LCOR: variants seen among roughly 807,000 people sequenced by gnomAD.
The protein encoded by LCOR is ligand dependent nuclear receptor corepressor.
In LCOR, 14 loss-of-function variants were observed where a neutral mutation model predicts 64.4. That is an observed-to-expected ratio of 0.22 (90% CI 0.14 to 0.34). The LOEUF (loss-of-function observed/expected upper bound fraction) is 0.34. Among genes scored for constraint, LCOR ranks in the 10% least tolerant of loss-of-function variants. The pLI is 1.00. For missense variants in LCOR, 1,686 were observed against 1,765.3 expected (o/e 0.96, Z 0.80); for synonymous variants, 643 against 642.5 (o/e 1.00, Z -0.01).
chr10:96,898,023 T>C (rs1846571428), intron 2 of LCOR, among the ~76,000 whole-genome samples: 1 of 152,008 alleles, frequency 6.6e-6, no homozygotes, highest in Non-Finnish European at 1.5e-5. Context: ...TTAAAAAGAG[T>C]GTGTTTGCAT....
intron 2 of LCOR, among the ~76,000 whole-genome samples, chr10:96,882,945 C>T (rs993281586): frequency 3.3e-5 from 5 of 152,082 alleles, no homozygotes; most frequent in Non-Finnish European, 5.9e-5. Flanking sequence ...CTAGATGTAT[C>T]GTTTATCCAT....
intron 4 of LCOR, among the ~76,000 whole-genome samples, chr10:96,920,652 G>A (rs12777911): frequency 2.2e-5 from 3 of 134,464 alleles, no homozygotes; most frequent in African/African-American, 6.3e-5. Context: ...GTGTATATAT[G>A]TGTATATATG....
intron 6 of LCOR, 121 bp from the exon 7 acceptor site, chr10:96,951,982 A>G (rs1847688353): frequency 6.4e-6 from 4 of 629,764 alleles, no homozygotes; most frequent in Admixed American, 3.1e-5. Context: ...ACTCAAATAT[A>G]TGACTAGCAT....
intron 7 of LCOR, among the ~76,000 whole-genome samples, chr10:96,973,958 C>T (rs769203224): frequency 6.6e-6 from 1 of 152,178 alleles, no homozygotes; most frequent in Non-Finnish European, 1.5e-5. Context: ...TCTAAGATAA[C>T]ATAAGCATTG....
intron 2 of LCOR, among the ~76,000 whole-genome samples, chr10:96,873,554 C>T (rs1486430507): frequency 1.5e-5 from 2 of 133,186 alleles, no homozygotes; most frequent in South Asian, 3.0e-4. Context: ...TTTTGTTTTT[C>T]GATACACACA....
intron 4 of LCOR, among the ~76,000 whole-genome samples, chr10:96,926,770 A>G (rs1847175971): frequency 1.3e-5 from 2 of 152,200 alleles, no homozygotes; most frequent in Non-Finnish European, 2.9e-5. Context: ...AGAATTTTAT[A>G]TAATAGGAAT....
chr10:96,833,214 C>T (rs1845377540), intron 1 of LCOR, 192 bp from the exon 2 acceptor site: 1 of 980,916 alleles, frequency 1.0e-6, no homozygotes, highest in South Asian at 4.7e-5. Context: ...CTCGTCCCCT[C>T]CCGGGGATTG....
At position 96,935,771 on chromosome 10, in the gene LCOR, C is replaced by T. The variant is rs143379513; in HGVS notation, c.-183-8342C>T. On this transcript the variant is annotated intron_variant, in intron 4 of 7. Transcript: ENST00000421806. ...ATGGCCTTAGCCCAGGAAGGCAAGG[C>T]TTGCAGTGAGCTGTGATTGTGCCAC... Among the ~76,000 whole-genome samples the T allele has an allele frequency of 5.6e-4, 86 of 152,332 alleles. 1 individual carries two copies. The East Asian group carries it at 0.016, about 29-fold the overall frequency.
At chr10:96,963,989 ATAATT>A (rs1246119850) in intron 7 of LCOR, 1 of 152,214 alleles carries the variant, frequency 6.6e-6, no homozygotes, top group Admixed American at 6.5e-5. Context: ...ATGGAATTGT[ATAATT>A]TAATATTTCT....
chr10:96,965,543 T>TC (rs1374965567), intron 7 of LCOR, among the ~76,000 whole-genome samples: 1 of 149,412 alleles, frequency 6.7e-6, no homozygotes, highest in African/African-American at 2.5e-5. Flanking sequence ...GCGCCTGTAG[T>TC]CCCAGCTACT....
intron 2 of LCOR, among the ~76,000 whole-genome samples, chr10:96,870,835 A>T (rs907978472): frequency 6.6e-6 from 1 of 152,206 alleles, no homozygotes; most frequent in Non-Finnish European, 1.5e-5. Context: ...AAATTGAGCT[A>T]GAGATGTACA....
Position 96,832,406 on chromosome 10 carries a change from C to T in LCOR, c.-404+7C>T, listed in dbSNP as rs1453849019. ...AAGCTCATTCACTGTGTAGGTGAGA[C>T]CCTCCGCCGACCGCCGCCGCCCCTC... On this transcript the variant is annotated splice_region_variant and intron_variant, in intron 1 of 7. Coordinates refer to ENST00000421806, the MANE Select transcript of LCOR (RefSeq NM_001346516.2). 1.2e-5 allele frequency: 12 copies of T among 979,090 alleles called. No individual in the cohort carries two copies. The highest frequency in any genetic ancestry group is 1.5e-5 in the Non-Finnish European group (12 of 824,020). 60.7% of individuals were successfully genotyped at this position (979,090 alleles called of 1,614,324 possible).
intron 4 of LCOR, among the ~76,000 whole-genome samples, chr10:96,925,416 G>T (rs1456040968): frequency 6.6e-6 from 1 of 151,958 alleles, no homozygotes; most frequent in East Asian, 1.9e-4. Flanking sequence ...TTAATAGGAT[G>T]GAACATTTAT....
chr10:96,907,686 T>A lies in LCOR; in HGVS notation c.-245T>A. 6.1e-6 allele frequency: 6 copies of A among 983,698 alleles called. No individual in the cohort carries two copies. The highest frequency in any genetic ancestry group is 7.2e-6 in the Non-Finnish European group (6 of 828,008). The allele number at this position is 983,698 out of a possible 1,614,324, so 60.9% of individuals were successfully genotyped here. A position where few individuals can be genotyped will look rare whatever the true frequency, so the allele number is the denominator to read the frequency against. ...TTTGCAGACTGTGAACCTGAAAGCA[T>A]TTCTGATTGGACTTTTGATGAAAAC... is the stretch of plus-strand genomic sequence containing the variant. On this transcript the variant is annotated 5_prime_UTR_variant, in exon 4 of 8. Transcript: ENST00000421806.
intron 2 of LCOR, among the ~76,000 whole-genome samples, chr10:96,855,945 T>C (rs1475412354): frequency 1.3e-5 from 2 of 150,896 alleles, no homozygotes; most frequent in African/African-American, 2.4e-5. Flanking sequence ...AGTTTCTCCA[T>C]GTTGGTCCGG....
chr10:96,835,178 G>C (rs768074919), intron 2 of LCOR, among the ~76,000 whole-genome samples: 1 of 151,912 alleles, frequency 6.6e-6, no homozygotes, highest in Non-Finnish European at 1.5e-5. Flanking sequence ...AAATTTACAG[G>C]CGTGAGAGCC....
intron 7 of LCOR, chr10:96,962,123 A>G (rs991949932): frequency 6.6e-6 from 1 of 152,120 alleles, no homozygotes; most frequent in African/African-American, 2.4e-5. Flanking sequence ...TCACATTTAT[A>G]TAAATAATTC....
intron 7 of LCOR, among the ~76,000 whole-genome samples, chr10:96,966,221 T>C (rs1457123835): frequency 1.5e-5 from 1 of 65,032 alleles, no homozygotes; most frequent in Non-Finnish European, 2.8e-5. Context: ...CAAAGGACTC[T>C]TTTTTTTTTT....
chr10:96,915,120 C>T (rs1351491534), intron 4 of LCOR, among the ~76,000 whole-genome samples: 1 of 152,192 alleles, frequency 6.6e-6, no homozygotes, highest in Non-Finnish European at 1.5e-5. Context: ...AAGGTGTTTT[C>T]CCCACAACAG....
Sources: gnomAD v4.1 joint callset for allele counts (sites outside exome capture counted in the v4.1 genomes callset) on GRCh38, gnomAD v4.1.1 for gene constraint, MANE v1.5 for transcripts, NCBI Gene and HGNC (gene_info 2026-07-23, HGNC 2026-07-21) for gene names.